Variants in SOX5 observed in about 807,000 individuals in gnomAD.
SOX5 encodes transcription factor SOX-5.
In SOX5, 9 loss-of-function variants were observed where a neutral mutation model predicts 92.0. That is an observed-to-expected ratio of 0.10 (90% CI 0.06 to 0.17). SOX5 has a LOEUF of 0.17. SOX5 is among the 10% of genes least tolerant of loss of function. SOX5 has a pLI of 1.00. For missense variants in SOX5, 642 were observed against 944.5 expected, an observed-to-expected ratio of 0.68 and a Z score of 4.20; for synonymous variants, 344 against 336.3, an observed-to-expected ratio of 1.02 and a Z score of -0.25.
chr12:23,875,178 T>C (rs890572490), intron 2 of SOX5, among the ~76,000 whole-genome samples: 1 of 152,210 alleles, frequency 6.6e-6, no homozygotes, highest in Non-Finnish European at 1.5e-5. Context: ...ACTAATCTTA[T>C]AACGAAGCAG....
intron 4 of SOX5, among the ~76,000 whole-genome samples, chr12:24,152,854 A>T (rs983630854): frequency 6.6e-6 from 1 of 152,138 alleles, no homozygotes; most frequent in Admixed American, 6.6e-5. Flanking sequence ...CAGGAAAAAA[A>T]AAAAGAGAAT....
chr12:23,614,233 A>C (rs1038334499), intron 8 of SOX5, among the ~76,000 whole-genome samples: 2 of 152,230 alleles, frequency 1.3e-5, no homozygotes, highest in Admixed American at 6.5e-5. Flanking sequence ...TCACGTGCAA[A>C]GCCATAAAGT....
chr12:24,215,245 T>C (rs1330994290), intron 3 of SOX5, among the ~76,000 whole-genome samples: 4 of 152,130 alleles, frequency 2.6e-5, no homozygotes, highest in Non-Finnish European at 5.9e-5. Flanking sequence ...AGAGATTTCA[T>C]ACAGGTTCAC....
chr12:24,394,049 G>T (rs1005024526), intron 1 of SOX5, among the ~76,000 whole-genome samples: 1 of 152,250 alleles, frequency 6.6e-6, no homozygotes, highest in East Asian at 1.9e-4. Context: ...AAAGGTGGCT[G>T]AAAGAAATCG....
At chr12:24,017,374 G>A (rs1042780924) in intron 4 of SOX5, among the ~76,000 whole-genome samples, 3 of 151,982 alleles carry the variant, frequency 2.0e-5, no homozygotes, top group Non-Finnish European at 4.4e-5. Flanking sequence ...TGAAGTAGGC[G>A]GATCACTTGA....
chr12:24,002,598 T>C (rs1177820062), intron 4 of SOX5, among the ~76,000 whole-genome samples: 1 of 151,182 alleles, frequency 6.6e-6, no homozygotes, highest in African/African-American at 2.4e-5. Flanking sequence ...TAAAATCAAC[T>C]TGTAAGTTTC....
At chr12:23,841,977 T>C (rs1173787661) in intron 3 of SOX5, among the ~76,000 whole-genome samples, 1 of 151,768 alleles carries the variant, frequency 6.6e-6, no homozygotes, top group African/African-American at 2.4e-5. Context: ...ATAAGCAAAA[T>C]TTTAAAAAAT....
chr12:24,459,239 G>A (rs928173571), intron 1 of SOX5, among the ~76,000 whole-genome samples: 1 of 152,118 alleles, frequency 6.6e-6, no homozygotes, highest in Non-Finnish European at 1.5e-5. Flanking sequence ...GAATTTGCAG[G>A]TTTCTTGCGC....
chr12:23,775,148 G>A (rs1366791732), intron 3 of SOX5, among the ~76,000 whole-genome samples: 1 of 152,130 alleles, frequency 6.6e-6, no homozygotes, highest in Non-Finnish European at 1.5e-5. Flanking sequence ...CATGCATATT[G>A]TATATTTTGG....
chr12:23,832,347 T>G (rs1319176207), intron 3 of SOX5, among the ~76,000 whole-genome samples: 1 of 152,114 alleles, frequency 6.6e-6, no homozygotes, highest in East Asian at 1.9e-4. Context: ...CTAGGATTTT[T>G]ATGACTGTTG....
chr12:24,201,416 T>A (rs957874692), intron 4 of SOX5, among the ~76,000 whole-genome samples: 6 of 152,148 alleles, frequency 3.9e-5, no homozygotes, highest in Non-Finnish European at 8.8e-5. Flanking sequence ...AGTTTCCTGA[T>A]GCTAAAAGGT....
Position 24,196,033 on chromosome 12 carries a change from C to T in SOX5, c.-2+17310G>A, listed in dbSNP as rs561158431. On this transcript the variant is annotated intron_variant, in intron 4 of 4. Transcript: ENST00000446891. ...TGGAGTAGCTGGAATCACATACGTG[C>T]GCCACCACGCCTAGCTAATTTTTGT... 1.1e-4 allele frequency among the ~76,000 whole-genome samples: 16 copies of T among 152,222 alleles called. No individual in the cohort carries two copies. The East Asian group carries it at 2.7e-3, about 26-fold the overall frequency.
intron 4 of SOX5, among the ~76,000 whole-genome samples, chr12:24,192,446 C>T (rs561482851): frequency 1.2e-4 from 19 of 152,196 alleles, no homozygotes; most frequent in African/African-American, 2.6e-4. Flanking sequence ...GAAGTATCTT[C>T]GAAAGTAATT....
Position 23,643,830 on chromosome 12 carries a change from G to A in SOX5, c.932-2933C>T, listed in dbSNP as rs141287672. Reference sequence around the variant, plus strand: ...AGAGTGTGATCAACAAAGGATGATCGAAAGAAAGGAATTGGAGGCAGGAAG... The same window carrying A: ...AGAGTGTGATCAACAAAGGATGATCAAAAGAAAGGAATTGGAGGCAGGAAG... On this transcript the variant is annotated intron_variant, in intron 7 of 14. Coordinates refer to ENST00000451604, the MANE Select transcript of SOX5 (RefSeq NM_006940.6). Among the ~76,000 whole-genome samples the A allele has an allele frequency of 7.2e-5, 11 of 152,220 alleles. No individual in the cohort carries two copies. In the East Asian group the frequency reaches 7.7e-4, roughly 11 times the overall value.
intron 4 of SOX5, among the ~76,000 whole-genome samples, chr12:24,046,824 C>T (rs1209456917): frequency 1.3e-5 from 2 of 149,958 alleles, no homozygotes; most frequent in African/African-American, 2.4e-5. Context: ...GGATTACAGT[C>T]GCCCACCACC....
At chr12:24,370,275 C>A (rs978195196) in intron 1 of SOX5, among the ~76,000 whole-genome samples, 1 of 151,520 alleles carries the variant, frequency 6.6e-6, no homozygotes, top group African/African-American at 2.4e-5. Flanking sequence ...GAGATGGAGA[C>A]CATCCTGGCT....
Position 23,588,236 on chromosome 12 carries a change from A to C in SOX5, c.1165-12398T>G, listed in dbSNP as rs984157633. Reference sequence around the variant, plus strand: ...TAAATTCAAGGTATGGGTGAAAGAAAATTCAAATAAAGATGAGAAAAGGCT... The same window carrying C: ...TAAATTCAAGGTATGGGTGAAAGAACATTCAAATAAAGATGAGAAAAGGCT... On this transcript the variant is annotated intron_variant, in intron 9 of 14. Coordinates refer to ENST00000451604, the MANE Select transcript of SOX5 (RefSeq NM_006940.6). 5.3e-5 allele frequency among the ~76,000 whole-genome samples: 8 copies of C among 151,996 alleles called. No individual in the cohort carries two copies. The East Asian group carries it at 9.6e-4, about 18-fold the overall frequency.
chr12:24,455,077 G>A (rs1430308422), intron 1 of SOX5, among the ~76,000 whole-genome samples: 1 of 152,194 alleles, frequency 6.6e-6, no homozygotes, highest in Non-Finnish European at 1.5e-5. Flanking sequence ...AGCTTCCTTA[G>A]ATAGTGGATC....
At chr12:24,066,537 G>T (rs1221814078) in intron 4 of SOX5, among the ~76,000 whole-genome samples, 4 of 152,118 alleles carry the variant, frequency 2.6e-5, no homozygotes, top group African/African-American at 4.8e-5. Flanking sequence ...GTGAAAAATT[G>T]ATATTGTTTG....
Sources: allele counts gnomAD v4.1 joint callset (sites outside exome capture counted in the v4.1 genomes callset), GRCh38; gene constraint gnomAD v4.1.1; transcripts MANE v1.5; gene names NCBI Gene and HGNC (gene_info 2026-07-23, HGNC 2026-07-21).